The following CNTLN variants were observed in gnomAD, a reference collection of about 807,000 sequenced individuals.
CNTLN encodes centlein.
CNTLN carries 212 observed loss-of-function variants against 180.0 expected under a neutral mutation model. The observed-to-expected ratio is 1.18, with a 90% CI of 1.05 to 1.32. The LOEUF (loss-of-function observed/expected upper bound fraction) is 1.32. Among genes scored for constraint, CNTLN ranks in the 40% most tolerant of loss-of-function variants. The pLI, the probability that CNTLN is intolerant of heterozygous loss-of-function variation, is 0.00. For synonymous variants in CNTLN, 722 were observed against 563.1 expected (o/e 1.28, Z -3.99); for missense variants, 2,095 against 1,610.9 (o/e 1.30, Z -5.14).
At chr9:17,421,839 G>A (rs997215223) in intron 18 of CNTLN, among the ~76,000 whole-genome samples, 4 of 152,070 alleles carry the variant, frequency 2.6e-5, no homozygotes, top group Non-Finnish European at 5.9e-5. Context: ...CAATAGACAA[G>A]CAAAGAGAAA....
intron 2 of CNTLN, among the ~76,000 whole-genome samples, chr9:17,151,529 A>G (rs1818878228): frequency 1.3e-5 from 2 of 152,216 alleles, no homozygotes; most frequent in South Asian, 2.1e-4. Flanking sequence ...CATGGTGGAT[A>G]AGCTTTTTGA....
At chr9:17,230,765 AGG>A (rs1215802505) in intron 3 of CNTLN, among the ~76,000 whole-genome samples, 1 of 152,052 alleles carries the variant, frequency 6.6e-6, no homozygotes, top group Non-Finnish European at 1.5e-5. Context: ...ACAACATGAC[AGG>A]GGTCCAGTAG....
chr9:17,275,275 A>G (rs189668143), intron 6 of CNTLN, among the ~76,000 whole-genome samples: 78 of 152,204 alleles, frequency 5.1e-4, no homozygotes, highest in African/African-American at 1.8e-3. Context: ...TTTTACATGT[A>G]CTTAGTTGAA....
chr9:17,367,228 C>A (rs1041506886), intron 13 of CNTLN, among the ~76,000 whole-genome samples: 1 of 152,178 alleles, frequency 6.6e-6, no homozygotes, highest in South Asian at 2.1e-4. Flanking sequence ...GCATTGAACT[C>A]GGTCTTGCCC....
At chr9:17,409,736 A>G (rs1303279791) in intron 16 of CNTLN, among the ~76,000 whole-genome samples, 1 of 152,056 alleles carries the variant, frequency 6.6e-6, no homozygotes, top group Non-Finnish European at 1.5e-5. Flanking sequence ...TAAGCTCATT[A>G]TTGTTTTCAG....
intron 3 of CNTLN, among the ~76,000 whole-genome samples, chr9:17,232,483 C>G (rs1055320771): frequency 7.3e-6 from 1 of 136,810 alleles, no homozygotes; most frequent in Non-Finnish European, 1.5e-5. Flanking sequence ...TTGTCAGTGC[C>G]TGTTTAGTTT....
At chr9:17,200,547 T>A (rs912285024) in intron 2 of CNTLN, among the ~76,000 whole-genome samples, 6 of 152,198 alleles carry the variant, frequency 3.9e-5, no homozygotes, top group Non-Finnish European at 7.3e-5. Context: ...GAAGAGGTCC[T>A]TCATATCCCT....
Position 17,268,847 on chromosome 9 carries a change from C to T in CNTLN, c.850-4886C>T, listed in dbSNP as rs191701382. Among the ~76,000 whole-genome samples the T allele has an allele frequency of 1.0e-3, 156 of 151,710 alleles. 2 individuals are homozygous for T. Among genetic ancestry groups the T allele is most frequent in the African/African-American group, 3.7e-3 (154 of 41,386 alleles). ...GGCGTAGGACCCTCTGAGCCAGGTGCGGGTTATAATCTGGTGTGCCGTTTT... is the reference window on the plus strand; with the variant it reads ...GGCGTAGGACCCTCTGAGCCAGGTGTGGGTTATAATCTGGTGTGCCGTTTT... On this transcript the variant is annotated intron_variant, in intron 5 of 25. Coordinates refer to ENST00000380647, the MANE Select transcript of CNTLN (RefSeq NM_017738.4).
At chr9:17,321,505 A>C (rs992789553) in intron 8 of CNTLN, among the ~76,000 whole-genome samples, 1 of 152,168 alleles carries the variant, frequency 6.6e-6, no homozygotes, top group African/African-American at 2.4e-5. Context: ...AATCCTTGAC[A>C]TAACAATTGT....
intron 3 of CNTLN, among the ~76,000 whole-genome samples, chr9:17,232,318 T>C (rs999398253): frequency 2.0e-5 from 3 of 152,034 alleles, no homozygotes; most frequent in Non-Finnish European, 4.4e-5. Flanking sequence ...ATAATAATTT[T>C]GGTTAACCAA....
chr9:17,474,836 C>G (rs973925292), intron 23 of CNTLN, among the ~76,000 whole-genome samples: 1 of 150,686 alleles, frequency 6.6e-6, no homozygotes. Context: ...CCACTGCACT[C>G]TAGCCTGGGT....
chr9:17,264,101 G>C (rs1827218766), intron 5 of CNTLN, among the ~76,000 whole-genome samples: 1 of 144,660 alleles, frequency 6.9e-6, no homozygotes, highest in Non-Finnish European at 1.5e-5. Context: ...TGTTGTTTCA[G>C]ACATGAAGTC....
At chr9:17,505,154 A>G (rs1200385462), downstream of CNTLN, among the ~76,000 whole-genome samples, 1 of 151,860 alleles carries the variant, frequency 6.6e-6, no homozygotes, top group African/African-American at 2.4e-5. Context: ...AAAAAAACTC[A>G]GAAAACTATA....
At chr9:17,297,081 A>G (rs1185853058) in intron 6 of CNTLN, among the ~76,000 whole-genome samples, 1 of 152,228 alleles carries the variant, frequency 6.6e-6, no homozygotes, top group African/African-American at 2.4e-5. Flanking sequence ...CACGGATTCA[A>G]CCAATCATGA....
At chr9:17,426,677 ATTC>A (rs1175111483) in intron 18 of CNTLN, among the ~76,000 whole-genome samples, 3 of 151,950 alleles carry the variant, frequency 2.0e-5, no homozygotes. Flanking sequence ...AAACTTATAT[ATTC>A]TTTCAAGTCA....
chr9:17,435,068 T>C (rs1829681028), intron 18 of CNTLN, among the ~76,000 whole-genome samples: 1 of 152,220 alleles, frequency 6.6e-6, no homozygotes, highest in African/African-American at 2.4e-5. Context: ...AAGAATGTAT[T>C]CTGTATTGCA....
At chr9:17,151,298 CTTA>C (rs1818858822) in intron 2 of CNTLN, among the ~76,000 whole-genome samples, 3 of 152,174 alleles carry the variant, frequency 2.0e-5, no homozygotes, top group Admixed American at 2.0e-4. Flanking sequence ...ATAAATAGCT[CTTA>C]TTATTTTGAA....
chr9:17,204,658 C>A lies in CNTLN; in HGVS notation c.450-21545C>A, dbSNP rs145433918. Among the ~76,000 whole-genome samples, 180 of 152,282 alleles carry A rather than the reference C, an allele frequency of 1.2e-3. 1 individual carries two copies. The highest frequency in any genetic ancestry group is 3.6e-3 in the African/African-American group (149 of 41,562). ...TCAGAAGGCATGGGGGTTAGGGACC[C>A]ATTTGAGAAGGCAGTCTTTCCCTTC... On this transcript the variant is annotated intron_variant, in intron 2 of 25. Coordinates refer to ENST00000380647, the MANE Select transcript of CNTLN (RefSeq NM_017738.4).
At chr9:17,342,743 G>C (rs747671916) in intron 12 of CNTLN, among the ~76,000 whole-genome samples, 1 of 152,108 alleles carries the variant, frequency 6.6e-6, no homozygotes, top group Admixed American at 6.5e-5. Flanking sequence ...AGACGCTGCC[G>C]TGCTTCATTT....
Sources: gnomAD v4.1 joint callset for allele counts (sites outside exome capture counted in the v4.1 genomes callset) on GRCh38, gnomAD v4.1.1 for gene constraint, MANE v1.5 for transcripts, NCBI Gene and HGNC (gene_info 2026-07-23, HGNC 2026-07-21) for gene names.